HPSE2: variants seen among roughly 807,000 people sequenced by gnomAD.
HPSE2 encodes inactive heparanase-2.
Under a neutral mutation model 60.5 loss-of-function variants are expected in HPSE2, and 38 were observed. That is an observed-to-expected ratio of 0.63 (90% CI 0.48 to 0.82). HPSE2 has a LOEUF of 0.82. Among genes scored for constraint, HPSE2 ranks in the 40% least tolerant of loss-of-function variants. The pLI is 0.00. For synonymous variants in HPSE2, 295 were observed against 293.2 expected, an observed-to-expected ratio of 1.01 and a Z score of -0.06; for missense variants, 713 against 740.4, an observed-to-expected ratio of 0.96 and a Z score of 0.43.
chr10:98,557,881 G>A (rs513772), intron 9 of HPSE2, among the ~76,000 whole-genome samples: 60,009 of 151,922 alleles, frequency 0.39, 12,376 homozygotes, highest in East Asian at 0.53. Context: ...CCCAGGAGGC[G>A]GAGGTTGCAG....
At chr10:98,748,765 A>G (rs542966595) in intron 3 of HPSE2, among the ~76,000 whole-genome samples, 1 of 152,248 alleles carries the variant, frequency 6.6e-6, no homozygotes, top group South Asian at 2.1e-4. Flanking sequence ...CAACAAAAAG[A>G]GAAGAAGAAG....
At chr10:99,265,054 A>G in the HPSE2 span, among the ~76,000 whole-genome samples, 1 of 152,206 alleles carries the variant, frequency 6.6e-6, no homozygotes, top group Non-Finnish European at 1.5e-5. Context: ...GCACATATAC[A>G]TCCAAATGGC....
chr10:99,089,817 G>A (rs2135594781), intron 3 of HPSE2, among the ~76,000 whole-genome samples: 1 of 152,174 alleles, frequency 6.6e-6, no homozygotes, highest in African/African-American at 2.4e-5. Context: ...CATGGGATGT[G>A]TTTCCATTTG....
At position 99,063,079 on chromosome 10, in the gene HPSE2, C is replaced by A. The variant is rs185880209; in HGVS notation, c.610+81159G>T. Among the ~76,000 whole-genome samples the A allele has an allele frequency of 1.1e-3, 162 of 152,218 alleles. 1 individual carries two copies. Among genetic ancestry groups the A allele is most frequent in the Non-Finnish European group, 1.7e-3 (113 of 68,026 alleles). The stretch of plus-strand genomic sequence containing the variant: ...GAACAAGTCACTGAAGCCCTATGAA[C>A]CTCAGTTAGTTCATCTACATGATGA... On this transcript the variant is annotated intron_variant, in intron 3 of 11. Transcript: ENST00000370552.
chr10:98,856,424 T>C (rs528358963), intron 3 of HPSE2, among the ~76,000 whole-genome samples: 3 of 151,964 alleles, frequency 2.0e-5, no homozygotes, highest in South Asian at 2.1e-4. Context: ...CAAAAATACA[T>C]AGACATATAT....
chr10:98,613,769 C>T (rs1406833374), intron 9 of HPSE2, among the ~76,000 whole-genome samples: 11 of 152,184 alleles, frequency 7.2e-5, no homozygotes, highest in Admixed American at 7.2e-4. Context: ...GCTAGCAGTC[C>T]CTCAGTTAAA....
chr10:99,274,971 A>G, the HPSE2 span, among the ~76,000 whole-genome samples: 75,129 of 152,130 alleles, frequency 0.49, 21,741 homozygotes, highest in Non-Finnish European at 0.64. Context: ...TCCAGTTCTC[A>G]TGAAAATTTT....
intron 3 of HPSE2, among the ~76,000 whole-genome samples, chr10:98,891,820 A>T (rs141655078): frequency 1.2e-3 from 181 of 152,210 alleles, no homozygotes; most frequent in African/African-American, 4.1e-3. Context: ...CCCAGGCTGG[A>T]GTGCAGTGGC....
intron 9 of HPSE2, among the ~76,000 whole-genome samples, chr10:98,550,357 T>C (rs1943823700): frequency 6.6e-6 from 1 of 152,026 alleles, no homozygotes; most frequent in South Asian, 2.1e-4. Flanking sequence ...ACAGTCATAG[T>C]TCACTGCCTC....
At chr10:98,778,818 G>A (rs542290487) in intron 3 of HPSE2, among the ~76,000 whole-genome samples, 6 of 152,204 alleles carry the variant, frequency 3.9e-5, no homozygotes, top group African/African-American at 1.2e-4. Context: ...CAATGTCCAT[G>A]AATCTATGAA....
chr10:98,704,956 A>G (rs1026329179), intron 5 of HPSE2, among the ~76,000 whole-genome samples: 1 of 152,164 alleles, frequency 6.6e-6, no homozygotes, highest in Non-Finnish European at 1.5e-5. Context: ...AGAAACTACA[A>G]TCAGAGTAAA....
intron 9 of HPSE2, among the ~76,000 whole-genome samples, chr10:98,534,714 G>A (rs1589380287): frequency 6.6e-6 from 1 of 152,174 alleles, no homozygotes; most frequent in Non-Finnish European, 1.5e-5. Flanking sequence ...CTATTCATTA[G>A]TTTTGGCATC....
At chr10:99,042,930 A>C (rs1047646028) in intron 3 of HPSE2, among the ~76,000 whole-genome samples, 3 of 152,114 alleles carry the variant, frequency 2.0e-5, no homozygotes, top group Non-Finnish European at 4.4e-5. Context: ...AGTCCAAACA[A>C]CACCACCAAA....
chr10:99,166,941 G>A (rs1847103876), intron 2 of HPSE2, among the ~76,000 whole-genome samples: 1 of 151,170 alleles, frequency 6.6e-6, no homozygotes, highest in Non-Finnish European at 1.5e-5. Context: ...GTTGACAAAG[G>A]CCAATTTATC....
At chr10:98,753,648 A>G (rs1008679727) in intron 3 of HPSE2, among the ~76,000 whole-genome samples, 12 of 152,064 alleles carry the variant, frequency 7.9e-5, no homozygotes, top group African/African-American at 2.9e-4. Context: ...TGGCCCCTCC[A>G]GCACAGCAGC....
rs1164285151 is a variant in HPSE2 at position 99,013,175 on chromosome 10, C to T, written c.610+131063G>A. ...CCTCACCAGTTAGAGAACAGCATGCCTGGATATGCCACTGGTGATCTTTAA... is the reference window on the plus strand; with the variant it reads ...CCTCACCAGTTAGAGAACAGCATGCTTGGATATGCCACTGGTGATCTTTAA... On this transcript the variant is annotated intron_variant, in intron 3 of 11. Transcript: ENST00000370552. The T allele has an allele frequency of 7.5e-6, 5 of 671,026 alleles. No homozygotes were observed. In the African/African-American group the frequency reaches 9.0e-5, roughly 12 times the overall value. 41.6% of individuals were successfully genotyped at this position (671,026 alleles called of 1,614,324 possible).
At chr10:98,925,976 C>G (rs1590089209) in intron 3 of HPSE2, among the ~76,000 whole-genome samples, 1 of 152,056 alleles carries the variant, frequency 6.6e-6, no homozygotes, top group African/African-American at 2.4e-5. Context: ...AGTCTTCTTA[C>G]ATGTTTTTTA....
At chr10:98,550,348 C>T (rs867401006) in intron 9 of HPSE2, among the ~76,000 whole-genome samples, 13 of 151,840 alleles carry the variant, frequency 8.6e-5, no homozygotes, top group African/African-American at 3.1e-4. Context: ...TGCAGTGGCA[C>T]AGTCATAGTT....
chr10:99,223,376 T>C (rs1849374315), intron 2 of HPSE2, among the ~76,000 whole-genome samples: 1 of 152,152 alleles, frequency 6.6e-6, no homozygotes. Flanking sequence ...CAGAGAAACA[T>C]TCATTCTTCC....
Sources: gnomAD v4.1 joint callset for allele counts (sites outside exome capture counted in the v4.1 genomes callset) on GRCh38, gnomAD v4.1.1 for gene constraint, MANE v1.5 for transcripts, NCBI Gene and HGNC (gene_info 2026-07-23, HGNC 2026-07-21) for gene names.